HOXC5: variants seen among roughly 807,000 people sequenced by gnomAD.
HOXC5 encodes homeobox C5, also known as homeobox protein Hox-C5.
In HOXC5, 19 loss-of-function variants were observed where a neutral mutation model predicts 20.1. The observed-to-expected ratio is 0.94, with a 90% confidence interval of 0.66 to 1.38. The LOEUF is 1.38. Ranked by LOEUF, HOXC5 falls within the 40% of genes most tolerant of loss-of-function variation. The pLI is 0.00. For missense variants in HOXC5, 330 were observed against 300.1 expected (o/e 1.10, Z -0.74); for synonymous variants, 124 against 117.0 (o/e 1.06, Z -0.39).
At chr12:54,029,864 T>C, upstream of HOXC5, 1 of 1,612,842 alleles carries the variant, frequency 6.2e-7, no homozygotes. Flanking sequence ...TAATCTCACA[T>C]CCACTCTCTC....
chr12:54,017,334 G>C, the HOXC5 span: 1 of 152,162 alleles, frequency 6.6e-6, no homozygotes, highest in Non-Finnish European at 1.5e-5. Context: ...CTCGGCAGCG[G>C]CACAGAATGA....
chr12:54,029,497 C>T, upstream of HOXC5: 1 of 608,120 alleles, frequency 1.6e-6, no homozygotes, highest in South Asian at 2.3e-5. Context: ...GCTGTACCCC[C>T]AGTGGGGGTG....
chr12:54,033,751 A>G (rs930527857), intron 1 of HOXC5, among the ~76,000 whole-genome samples, 175 bp downstream of exon 1: 1 of 152,236 alleles, frequency 6.6e-6, no homozygotes, highest in Non-Finnish European at 1.5e-5. Context: ...TTACGACGAC[A>G]TAATTGGATC....
At chr12:54,026,964 TGG>T in the HOXC5 span, among the ~76,000 whole-genome samples, 20,846 of 127,262 alleles carry the variant, frequency 0.16, 1,667 homozygotes, top group East Asian at 0.43. Context: ...CCAAAAATGG[TGG>T]GGGGGGGGGG....
At chr12:54,017,992 C>A in the HOXC5 span, among the ~76,000 whole-genome samples, 3 of 152,168 alleles carry the variant, frequency 2.0e-5, no homozygotes, top group East Asian at 1.9e-4. Flanking sequence ...AGGAAGCCGG[C>A]GCAGCTAGGC....
the HOXC5 span, among the ~76,000 whole-genome samples, chr12:54,025,494 G>A: frequency 7.0e-6 from 1 of 143,672 alleles, no homozygotes; most frequent in Admixed American, 6.9e-5. Context: ...AGAAAGAAGA[G>A]GGCTTCTTCT....
rs750491544 is a variant in HOXC5 at position 54,033,174 on chromosome 12, G to C, written c.52G>C (p.Ala18Pro). The C allele has an allele frequency of 1.2e-6, 2 of 1,614,152 alleles. No individual in the cohort carries two copies. Among genetic ancestry groups the C allele is most frequent in the Non-Finnish European group, 1.7e-6 (2 of 1,180,028 alleles). ...CTATAAGCAGAGCCCCAATATCCCT[G>C]CCTATAACATGCAAACTTGTGGGAA... is the stretch of plus-strand genomic sequence containing the variant. ...SFYKQSPNIP[A>P]YNMQTCGNYG... Residue 18 changes from alanine to proline, a missense_variant, in exon 1 of 2, where the codon GCC becomes CCC. Transcript: ENST00000312492.
chr12:54,033,416 G>A lies in HOXC5; in HGVS notation c.294G>A (p.Met98Ile). Residue 98 changes from methionine (M) to isoleucine (I), a missense_variant, in exon 1 of 2, where the codon ATG becomes ATA. Physicochemically the swap from Met to Ile is conservative, Grantham distance 10. Transcript: ENST00000312492. ...AAGCGGCTCCTCTGAACCCCGGGAT[G>A]TACAGTCAGAAGGCGGCTCGCCCGG... Reference protein sequence around the residue: ...RDEAAPLNPGMYSQKAARPAL... With the variant: ...RDEAAPLNPGIYSQKAARPAL... 1 of 1,609,580 alleles carries A rather than the reference G, an allele frequency of 6.2e-7. No homozygotes were observed. The highest frequency in any genetic ancestry group is 8.5e-7 in the Non-Finnish European group (1 of 1,178,446).
Position 54,034,645 on chromosome 12 carries a change from T to G in HOXC5, c.*153T>G. ...CAGACAAAAGCGCTTTTCCTTGGCATTCCGCATCCCTACCGACCCAGGGTT... is the reference window on the plus strand; with the variant it reads ...CAGACAAAAGCGCTTTTCCTTGGCAGTCCGCATCCCTACCGACCCAGGGTT... On this transcript the variant is annotated 3_prime_UTR_variant, in exon 2 of 2. Transcript: ENST00000312492. The G allele has an allele frequency of 1.6e-6, 1 of 632,642 alleles. No individual in the cohort carries two copies. The highest frequency in any genetic ancestry group is 2.7e-6 in the Non-Finnish European group (1 of 366,396). The allele number at this position is 632,642 out of a possible 1,614,324, so 39.2% of individuals were successfully genotyped here.
In HOXC5 at chr12:54,033,203, TG is replaced by T; in HGVS notation, c.83del (p.Gly28AspfsTer18). ...AYNMQTCGNY[G>X]SASEVQASRY... ...ATAACATGCAAACTTGTGGGAACTA[TG>T]GATCGGCCTCAGAGGTGCAGGCATC... On this transcript the variant is annotated frameshift_variant, in exon 1 of 2. Coordinates refer to ENST00000312492, the MANE Select transcript of HOXC5 (RefSeq NM_018953.4). LOFTEE classifies it high-confidence loss of function. 1.2e-6 allele frequency: 2 copies of T among 1,614,196 alleles called. No homozygotes were observed. Among genetic ancestry groups the T allele is most frequent in the Non-Finnish European group, 1.7e-6 (2 of 1,180,036 alleles).
chr12:54,031,312 G>A (rs1327556061), upstream of HOXC5, among the ~76,000 whole-genome samples: 1 of 152,248 alleles, frequency 6.6e-6, no homozygotes, highest in African/African-American at 2.4e-5. Flanking sequence ...ACGTAGCGGA[G>A]GCGGAGAGCG....
upstream of HOXC5, among the ~76,000 whole-genome samples, chr12:54,031,765 G>A (rs1375399217): frequency 6.6e-6 from 1 of 152,240 alleles, no homozygotes; most frequent in Non-Finnish European, 1.5e-5. Flanking sequence ...CTGGGAAGAA[G>A]CAGGCAGGGA....
chr12:54,029,900 G>A (rs759954812), upstream of HOXC5: 7 of 1,609,850 alleles, frequency 4.3e-6, no homozygotes, highest in South Asian at 2.2e-5. Context: ...GGCCACCGCC[G>A]ACAGCCTGGG....
chr12:54,031,553 T>C (rs1464093695), upstream of HOXC5, among the ~76,000 whole-genome samples: 1 of 152,188 alleles, frequency 6.6e-6, no homozygotes, highest in Non-Finnish European at 1.5e-5. Context: ...CCTAACCATT[T>C]ATCAACCCTG....
upstream of HOXC5, among the ~76,000 whole-genome samples, chr12:54,029,420 C>A (rs1335456221): frequency 2.8e-5 from 4 of 141,606 alleles, no homozygotes; most frequent in East Asian, 4.3e-4. Flanking sequence ...CGCCCCCCCC[C>A]CCACCACACA....
the HOXC5 span, among the ~76,000 whole-genome samples, chr12:54,026,973 G>GC: frequency 1.8e-4 from 25 of 140,810 alleles, 1 homozygote; most frequent in Non-Finnish European, 3.4e-4. Flanking sequence ...GTGGGGGGGG[G>GC]GGGATATGAG....
chr12:54,030,404 G>A (rs1940941003), upstream of HOXC5: 1 of 153,554 alleles, frequency 6.5e-6, no homozygotes, highest in Non-Finnish European at 1.5e-5. Context: ...GGGAGGGCCG[G>A]AGGCCCAAGG....
chr12:54,026,907 G>A, the HOXC5 span, among the ~76,000 whole-genome samples: 1 of 151,222 alleles, frequency 6.6e-6, no homozygotes, highest in Non-Finnish European at 1.5e-5. Flanking sequence ...AAAATCCGGC[G>A]ACATCCGGGT....
chr12:54,025,535 G>T, the HOXC5 span, among the ~76,000 whole-genome samples: 3 of 103,382 alleles, frequency 2.9e-5, no homozygotes, highest in Admixed American at 2.6e-4. Context: ...ATTGGGGGGG[G>T]GGGAGGTGTT....
Sources: gnomAD v4.1 joint callset for allele counts (sites outside exome capture counted in the v4.1 genomes callset) on GRCh38, gnomAD v4.1.1 for gene constraint, MANE v1.5 for transcripts, NCBI Gene and HGNC (gene_info 2026-07-23, HGNC 2026-07-21) for gene names.